MFNG: variants seen among roughly 807,000 people sequenced by gnomAD.
The protein encoded by MFNG is beta-1,3-N-acetylglucosaminyltransferase manic fringe.
In MFNG, 24 loss-of-function variants were observed where a neutral mutation model predicts 34.2. The observed-to-expected ratio is 0.70, with a 90% confidence interval of 0.51 to 0.99. The LOEUF is 0.99. Among genes scored for constraint, MFNG ranks in the 50% least tolerant of loss-of-function variants. MFNG has a pLI of 0.00. For missense variants in MFNG, 383 were observed against 424.0 expected (o/e 0.90, Z 0.85); for synonymous variants, 158 against 179.2 (o/e 0.88, Z 0.94).
chr22:37,480,386 C>G, intron 2 of MFNG, 87 bp from the exon 3 acceptor site: 1 of 1,088,038 alleles, frequency 9.2e-7, no homozygotes, highest in East Asian at 2.5e-5. Context: ...GGCTGGGCAA[C>G]AGGGAGTCTG....
chr22:37,476,884 G>T lies in MFNG; in HGVS notation c.647+12C>A, dbSNP rs1189070457. ...TCCCCGCCTTCCTGCCCACCCCTGG[G>T]TCTCTGCTTACCTGGCCCACGGAGC... On this transcript the variant is annotated intron_variant, in intron 5 of 7. Coordinates refer to ENST00000356998, the MANE Select transcript of MFNG (RefSeq NM_002405.4). 2 of 1,612,760 alleles carry T rather than the reference G, an allele frequency of 1.2e-6. No individual in the cohort carries two copies. The highest frequency in any genetic ancestry group is 3.3e-5 in the Admixed American group (2 of 60,016).
Position 37,469,553 on chromosome 22 carries a change from G to T in MFNG, c.*410C>A, listed in dbSNP as rs539366080. 5 of 336,446 alleles carry T rather than the reference G, an allele frequency of 1.5e-5. No homozygotes were observed. The highest frequency in any genetic ancestry group is 1.2e-4 in the South Asian group (5 of 41,968). 20.8% of individuals were successfully genotyped at this position (336,446 alleles called of 1,614,324 possible). On this transcript the variant is annotated 3_prime_UTR_variant, in exon 8 of 8. Coordinates refer to ENST00000356998, the MANE Select transcript of MFNG (RefSeq NM_002405.4). Reference sequence around the variant, plus strand: ...ACAGATGAGGGAGGCAGGAGTGGGCGGCCCAGCGCTTGAGCCCCAGGGGAA... The same window carrying T: ...ACAGATGAGGGAGGCAGGAGTGGGCTGCCCAGCGCTTGAGCCCCAGGGGAA...
intron 1 of MFNG, among the ~76,000 whole-genome samples, chr22:37,481,891 T>C (rs953560452): frequency 5.3e-5 from 8 of 152,184 alleles, no homozygotes; most frequent in African/African-American, 1.9e-4. Context: ...ATCCCCTCCC[T>C]CCTTTCCAGG....
intron 1 of MFNG, among the ~76,000 whole-genome samples, chr22:37,481,603 G>A (rs576266504): frequency 2.7e-4 from 41 of 152,344 alleles, no homozygotes; most frequent in African/African-American, 9.9e-4. Context: ...GGGGACTGGT[G>A]TTCTTCCCAT....
rs751315740 is a variant in MFNG at position 37,474,528 on chromosome 22, G to A, written c.797C>T (p.Ala266Val). The change falls in exon 6 of 8, where the codon GCA (alanine) becomes GTA (valine). Residue 266 changes from alanine (A) to valine (V), a missense_variant. Transcript: ENST00000356998. ...HLETLQLLRTAQLPEQVTLSY... is the reference protein window; with the variant it reads ...HLETLQLLRTVQLPEQVTLSY... ...CCAGCTCACCTGTTCTGGGAGCTGT[G>A]CAGTCCTCAGCAGCTGCAGGGTCTC... The A allele has an allele frequency of 2.5e-6, 4 of 1,614,042 alleles. No individual in the cohort carries two copies. The Admixed American group carries it at 6.7e-5, about 27-fold the overall frequency.
At chr22:37,476,648 G>A (rs930456979) in intron 5 of MFNG, among the ~76,000 whole-genome samples, 1 of 152,192 alleles carries the variant, frequency 6.6e-6, no homozygotes, top group Admixed American at 6.5e-5. Flanking sequence ...GTGCCGACGG[G>A]GGGACTGGGG....
intron 5 of MFNG, among the ~76,000 whole-genome samples, chr22:37,475,758 G>A (rs1922008784): frequency 6.6e-6 from 1 of 152,220 alleles, no homozygotes; most frequent in African/African-American, 2.4e-5. Flanking sequence ...GCAGGAGTTG[G>A]AGGGAGAGGG....
At position 37,482,393 on chromosome 22, in the gene MFNG, G is replaced by A. The variant is rs1922330310; in HGVS notation, c.256-1624C>T. Reference sequence around the variant, plus strand: ...ATGTAGTCTGATCTCATTACTTCCTGTCCACCCCTGGGGCTTCTCTCTCTG... The same window carrying A: ...ATGTAGTCTGATCTCATTACTTCCTATCCACCCCTGGGGCTTCTCTCTCTG... On this transcript the variant is annotated intron_variant, in intron 1 of 7. Transcript: ENST00000356998. This position sits in a 1 kb window ranked among gnomAD's most constrained non-coding sequence, Gnocchi z 4.1. Among the ~76,000 whole-genome samples the A allele has an allele frequency of 2.0e-5, 3 of 151,944 alleles. No homozygotes were observed. Among genetic ancestry groups the A allele is most frequent in the Admixed American group, 6.6e-5 (1 of 15,248 alleles).
chr22:37,475,751 G>A (rs1922008422), intron 5 of MFNG, among the ~76,000 whole-genome samples: 1 of 152,204 alleles, frequency 6.6e-6, no homozygotes, highest in South Asian at 2.1e-4. Context: ...TGCACCTGCA[G>A]GAGTTGGAGG....
At chr22:37,472,880 G>A (rs534111688) in intron 6 of MFNG, among the ~76,000 whole-genome samples, 1 of 152,296 alleles carries the variant, frequency 6.6e-6, no homozygotes, top group East Asian at 1.9e-4. Context: ...TCACTGGAGG[G>A]CCTTGGCACA....
intron 4 of MFNG, among the ~76,000 whole-genome samples, chr22:37,478,493 C>A (rs1922137491): frequency 6.6e-6 from 1 of 152,186 alleles, no homozygotes; most frequent in Non-Finnish European, 1.5e-5. Flanking sequence ...CAACCCAAAT[C>A]AGTGTCCATC....
intron 4 of MFNG, 150 bp from the exon 5 acceptor site, chr22:37,477,131 T>G (rs1165690755): frequency 1.5e-6 from 1 of 667,286 alleles, no homozygotes; most frequent in African/African-American, 1.8e-5. Flanking sequence ...CTGGCATTAT[T>G]GCACCCATTC....
At chr22:37,479,143 A>G (rs1922169578) in intron 4 of MFNG, among the ~76,000 whole-genome samples, 1 of 152,200 alleles carries the variant, frequency 6.6e-6, no homozygotes, top group Admixed American at 6.5e-5. Flanking sequence ...TGTCTGTGCC[A>G]CGACTGCATG....
chr22:37,473,495 C>T (rs368002689), intron 6 of MFNG, among the ~76,000 whole-genome samples: 3 of 152,194 alleles, frequency 2.0e-5, no homozygotes, highest in South Asian at 4.1e-4. Context: ...GATACCCTAA[C>T]CATTAGGATG....
intron 3 of MFNG, 134 bp from the exon 4 acceptor site, chr22:37,479,632 T>G: frequency 9.0e-7 from 1 of 1,111,430 alleles, no homozygotes; most frequent in Non-Finnish European, 1.3e-6. Context: ...GGCATCTGTT[T>G]TGTGCCAAGT....
chr22:37,485,829 T>C lies in MFNG; in HGVS notation c.255+94A>G. The C allele has an allele frequency of 2.1e-6, 3 of 1,424,142 alleles. No homozygotes were observed. The highest frequency in any genetic ancestry group is 2.8e-6 in the Non-Finnish European group (3 of 1,057,296). The allele number at this position is 1,424,142 out of a possible 1,614,324, so 88.2% of individuals were successfully genotyped here. On this transcript the variant is annotated intron_variant, in intron 1 of 7. Transcript: ENST00000356998. The surrounding 1 kb of genome is among the most constrained non-coding windows in gnomAD (Gnocchi z 5.3). ...GGCAGGTATTGAGCAGCTTCTCCCA[T>C]GAGGCAGTCAGGGACCCCAGCCCAG...
chr22:37,480,540 T>C (rs1284762949), intron 2 of MFNG, among the ~76,000 whole-genome samples, 181 bp downstream of exon 2: 1 of 152,090 alleles, frequency 6.6e-6, no homozygotes, highest in Non-Finnish European at 1.5e-5. Context: ...CTCTTCCCCA[T>C]ACCCACGCCC....
intron 6 of MFNG, 48 bp from the exon 7 acceptor site, chr22:37,472,576 C>G (rs747101093): frequency 6.7e-7 from 1 of 1,499,652 alleles, no homozygotes; most frequent in Non-Finnish European, 9.0e-7. Context: ...TGGGGATCCC[C>G]ACAAGGGGGC....
rs1476154165 is a variant in MFNG at position 37,483,702 on chromosome 22, G to A, written c.255+2221C>T. On this transcript the variant is annotated intron_variant, in intron 1 of 7. Coordinates refer to ENST00000356998, the MANE Select transcript of MFNG (RefSeq NM_002405.4). The surrounding 1 kb of genome is among the most constrained non-coding windows in gnomAD (Gnocchi z 4.5). Reference sequence around the variant, plus strand: ...AGCTGAGGATCACTTGAAACCAGGAGGCGGAGGTTGCAGTGAGCCAGGATC... The same window carrying A: ...AGCTGAGGATCACTTGAAACCAGGAAGCGGAGGTTGCAGTGAGCCAGGATC... Among the ~76,000 whole-genome samples the A allele has an allele frequency of 1.3e-5, 2 of 152,084 alleles. No individual in the cohort carries two copies. The highest frequency in any genetic ancestry group is 2.4e-5 in the African/African-American group (1 of 41,398).
Sources: gnomAD v4.1 joint callset for allele counts (sites outside exome capture counted in the v4.1 genomes callset) on GRCh38, gnomAD v4.1.1 for gene constraint, Gnocchi (gnomAD v3.1) non-coding constraint, MANE v1.5 for transcripts, NCBI Gene and HGNC (gene_info 2026-07-23, HGNC 2026-07-21) for gene names.